Variants in FAF1 observed in about 807,000 individuals in gnomAD.
FAF1 encodes the protein Fas associated factor 1.
In FAF1, 25 loss-of-function variants were observed where a neutral mutation model predicts 92.5. That is an observed-to-expected ratio of 0.27 (90% CI 0.20 to 0.38). FAF1 has a LOEUF of 0.38. Among genes scored for constraint, FAF1 ranks in the 10% least tolerant of loss-of-function variants. FAF1 has a pLI of 1.00. For missense variants in FAF1, 636 were observed against 793.3 expected (o/e 0.80, Z 2.38); for synonymous variants, 234 against 273.2 (o/e 0.86, Z 1.42).
chr1:50,549,926 AT>A (rs1649223859), intron 13 of FAF1, among the ~76,000 whole-genome samples: 1 of 152,168 alleles, frequency 6.6e-6, no homozygotes, highest in South Asian at 2.1e-4. Flanking sequence ...ACACTTTGTG[AT>A]TTTTATCATT....
chr1:50,820,398 G>T (rs1442279586), intron 2 of FAF1, among the ~76,000 whole-genome samples: 3 of 152,076 alleles, frequency 2.0e-5, no homozygotes, highest in African/African-American at 7.2e-5. Flanking sequence ...GTGATGATTT[G>T]ATATATGTAT....
At chr1:50,928,204 G>A (rs957047897) in intron 1 of FAF1, among the ~76,000 whole-genome samples, 15 of 152,030 alleles carry the variant, frequency 9.9e-5, no homozygotes, top group African/African-American at 3.4e-4. Context: ...GCACACAGAC[G>A]ACAATTTTTC....
chr1:50,837,236 G>A (rs1644215509), intron 2 of FAF1, among the ~76,000 whole-genome samples: 3 of 152,036 alleles, frequency 2.0e-5, no homozygotes, highest in South Asian at 2.1e-4. Flanking sequence ...GATTACAGGC[G>A]TGAGCCACCG....
At position 50,617,197 on chromosome 1, in the gene FAF1, T is replaced by G. The variant is rs142760654; in HGVS notation, c.745-20981A>C. Among the ~76,000 whole-genome samples the G allele has an allele frequency of 1.4e-4, 21 of 152,214 alleles. No individual in the cohort carries two copies. In the East Asian group the frequency reaches 3.7e-3, roughly 27 times the overall value. On this transcript the variant is annotated intron_variant, in intron 8 of 18. Coordinates refer to ENST00000396153, the MANE Select transcript of FAF1 (RefSeq NM_007051.3). ...CTATGTTAAATAGGAGTGGTGAGAG[T>G]AGGCATCCTTGTATTGTTCCAGTTC...
chr1:50,959,752 G>A lies in FAF1; in HGVS notation c.45+15C>T. The A allele has an allele frequency of 1.3e-6, 2 of 1,599,098 alleles. No homozygotes were observed. Among genetic ancestry groups the A allele is most frequent in the South Asian group, 2.2e-5 (2 of 90,078 alleles). On this transcript the variant is annotated intron_variant, in intron 1 of 18. Transcript: ENST00000396153. The stretch of plus-strand genomic sequence containing the variant: ...GAGGTTGGAAGTGGGAGGGGAAGAG[G>A]GCCAGATACTTCACCTGAAAATCCG...
At chr1:50,535,286 T>C (rs1648415369) in intron 15 of FAF1, 83 bp downstream of exon 15, 1 of 910,624 alleles carries the variant, frequency 1.1e-6, no homozygotes, top group South Asian at 1.5e-5. Context: ...ATCGATCATA[T>C]CATAGGCATG....
At chr1:50,487,094 T>C (rs759415742) in intron 17 of FAF1, among the ~76,000 whole-genome samples, 13 of 152,208 alleles carry the variant, frequency 8.5e-5, no homozygotes, top group Non-Finnish European at 1.3e-4. Flanking sequence ...TAACTTGCCA[T>C]TGTCACAGTA....
chr1:50,490,683 A>T lies in FAF1; in HGVS notation c.1576-18T>A. On this transcript the variant is annotated intron_variant, in intron 16 of 18. Transcript: ENST00000396153. Reference sequence around the variant, plus strand: ...GCTTCCCTCTGTTGATAAAACAGAAAAGGAACAAGCACTTAACACATACTT... The same window carrying T: ...GCTTCCCTCTGTTGATAAAACAGAATAGGAACAAGCACTTAACACATACTT... 2 of 1,508,670 alleles carry T rather than the reference A, an allele frequency of 1.3e-6. No homozygotes were observed. Among genetic ancestry groups the T allele is most frequent in the Non-Finnish European group, 1.8e-6 (2 of 1,083,668 alleles). The allele number at this position is 1,508,670 out of a possible 1,614,324, so 93.5% of individuals were successfully genotyped here.
chr1:50,829,310 G>A (rs1159053296), intron 2 of FAF1, among the ~76,000 whole-genome samples: 1 of 152,144 alleles, frequency 6.6e-6, no homozygotes, highest in East Asian at 1.9e-4. Context: ...ATGGTACCAG[G>A]CCAAATTGAA....
chr1:50,847,093 G>A (rs1454332120), intron 2 of FAF1, among the ~76,000 whole-genome samples: 1 of 152,162 alleles, frequency 6.6e-6, no homozygotes, highest in African/African-American at 2.4e-5. Context: ...CTTTGTCAGT[G>A]AGGACTTTTC....
intron 18 of FAF1, among the ~76,000 whole-genome samples, chr1:50,445,467 G>C (rs1646217566): frequency 6.6e-6 from 1 of 152,224 alleles, no homozygotes; most frequent in African/African-American, 2.4e-5. Context: ...ATATTGCTGA[G>C]AGTAGTTTCT....
intron 3 of FAF1, among the ~76,000 whole-genome samples, chr1:50,798,576 T>C (rs925519963): frequency 6.6e-6 from 1 of 152,220 alleles, no homozygotes; most frequent in African/African-American, 2.4e-5. Flanking sequence ...ATGAATAGTT[T>C]ACATTTATGA....
chr1:50,518,621 T>C (rs533235034), intron 15 of FAF1, among the ~76,000 whole-genome samples: 22 of 152,166 alleles, frequency 1.4e-4, no homozygotes, highest in South Asian at 1.0e-3. Flanking sequence ...TTTGTATTTT[T>C]AGTAGAGACG....
intron 6 of FAF1, among the ~76,000 whole-genome samples, chr1:50,707,525 C>A (rs1164660931): frequency 6.6e-6 from 1 of 151,792 alleles, no homozygotes; most frequent in Non-Finnish European, 1.5e-5. Context: ...ATGGTGAAAC[C>A]TCGTCTCTAT....
chr1:50,639,272 T>C (rs1022596500), intron 8 of FAF1, among the ~76,000 whole-genome samples: 6 of 152,202 alleles, frequency 3.9e-5, no homozygotes, highest in African/African-American at 7.2e-5. Flanking sequence ...AGTACAAATC[T>C]TTGTGAGAAC....
chr1:50,911,178 T>C (rs956160742), intron 1 of FAF1, among the ~76,000 whole-genome samples: 25 of 151,726 alleles, frequency 1.6e-4, no homozygotes, highest in African/African-American at 6.1e-4. Flanking sequence ...GTTCAAGCAA[T>C]TCTCTCACCT....
At chr1:50,666,626 T>C (rs1655646431) in intron 7 of FAF1, among the ~76,000 whole-genome samples, 1 of 152,182 alleles carries the variant, frequency 6.6e-6, no homozygotes, top group Non-Finnish European at 1.5e-5. Context: ...CTCACGCCTG[T>C]AATCCCAACA....
At chr1:50,640,072 T>G (rs1654250691) in intron 8 of FAF1, among the ~76,000 whole-genome samples, 1 of 152,280 alleles carries the variant, frequency 6.6e-6, no homozygotes, top group South Asian at 2.1e-4. Flanking sequence ...TTCAATTTGG[T>G]AAAATGTGTT....
At chr1:50,778,140 T>G (rs1019515144) in intron 4 of FAF1, among the ~76,000 whole-genome samples, 2 of 152,136 alleles carry the variant, frequency 1.3e-5, no homozygotes, top group Admixed American at 6.5e-5. Flanking sequence ...CTCAAAGACA[T>G]AATATTGAGT....
Sources: allele counts gnomAD v4.1 joint callset (sites outside exome capture counted in the v4.1 genomes callset), GRCh38; gene constraint gnomAD v4.1.1; transcripts MANE v1.5; gene names NCBI Gene and HGNC (gene_info 2026-07-23, HGNC 2026-07-21).